The following MTA3 variants were observed in gnomAD, a reference collection of about 807,000 sequenced individuals.
MTA3 encodes the protein metastasis associated 1 family member 3.
MTA3 carries 34 observed loss-of-function variants against 83.5 expected under a neutral mutation model. The ratio of observed to expected loss-of-function variants is 0.41; its 90% CI spans 0.31 to 0.54. MTA3 has a LOEUF of 0.54. Among genes scored for constraint, MTA3 ranks in the 20% least tolerant of loss-of-function variants. MTA3 has a pLI of 0.33. For synonymous variants in MTA3, 303 were observed against 252.7 expected, an observed-to-expected ratio of 1.20 and a Z score of -1.89; for missense variants, 761 against 726.4, an observed-to-expected ratio of 1.05 and a Z score of -0.55.
intron 3 of MTA3, among the ~76,000 whole-genome samples, chr2:42,590,796 T>G (rs1251324204): frequency 2.0e-5 from 3 of 151,990 alleles, no homozygotes; most frequent in Non-Finnish European, 4.4e-5. Flanking sequence ...AATTTTTGTA[T>G]TCTTAGTAGA....
chr2:42,688,167 C>T (rs1300114428), intron 9 of MTA3, among the ~76,000 whole-genome samples: 3 of 152,170 alleles, frequency 2.0e-5, no homozygotes, highest in Non-Finnish European at 4.4e-5. Context: ...AACTCCTGGG[C>T]CCAGGTGATC....
intron 2 of MTA3, among the ~76,000 whole-genome samples, chr2:42,560,231 A>C (rs543737286): frequency 6.6e-6 from 1 of 151,232 alleles, no homozygotes; most frequent in Non-Finnish European, 1.5e-5. Context: ...CATTTTGGCC[A>C]GGCTGGTCTT....
chr2:42,526,824 G>A (rs775612813), intron 2 of MTA3, among the ~76,000 whole-genome samples: 1 of 152,044 alleles, frequency 6.6e-6, no homozygotes, highest in Non-Finnish European at 1.5e-5. Context: ...AGGAGGCCAA[G>A]GCGGGCAGAT....
At chr2:42,718,882 G>A in intron 14 of MTA3, 106 bp from the exon 15 acceptor site, 1 of 742,756 alleles carries the variant, frequency 1.3e-6, no homozygotes, top group Non-Finnish European at 2.1e-6. Context: ...GAATCTGGTG[G>A]CTATTTTGTA....
chr2:42,699,966 TATGATAGCTAAA>T (rs1311323342), intron 11 of MTA3, among the ~76,000 whole-genome samples: 5 of 152,064 alleles, frequency 3.3e-5, no homozygotes, highest in African/African-American at 1.2e-4. Context: ...TCAGATAGAA[TATGATAGCTAAA>T]ATGATAGCTA....
rs111662802 is a variant in MTA3, at chr2:42,633,052, C to A, written c.318-7121C>A. 3.7e-3 allele frequency among the ~76,000 whole-genome samples: 565 copies of A among 151,460 alleles called. 6 individuals carry two copies. The highest frequency in any genetic ancestry group is 0.013 in the African/African-American group (524 of 41,292). Reference sequence around the variant, plus strand: ...GGCTGAGGTGGGCGGATCATGAGGTCAAGAGCTCGAGACCATCCTGGCCAA... The same window carrying A: ...GGCTGAGGTGGGCGGATCATGAGGTAAAGAGCTCGAGACCATCCTGGCCAA... On this transcript the variant is annotated intron_variant, in intron 4 of 16. Coordinates refer to ENST00000405094, the MANE Select transcript of MTA3 (RefSeq NM_001330442.2).
chr2:42,541,403 C>A (rs7606058), intron 2 of MTA3, among the ~76,000 whole-genome samples: 2 of 151,964 alleles, frequency 1.3e-5, no homozygotes, highest in African/African-American at 2.4e-5. Context: ...TGGCAGGAAG[C>A]TGTAGCTCCT....
intron 11 of MTA3, chr2:42,702,394 C>T (rs1361487311): frequency 2.0e-5 from 3 of 152,236 alleles, no homozygotes; most frequent in East Asian, 1.9e-4. Context: ...GTTGTAATAA[C>T]AATACCAAAA....
intron 16 of MTA3, among the ~76,000 whole-genome samples, chr2:42,751,261 C>A (rs1197625854): frequency 3.3e-5 from 5 of 151,948 alleles, no homozygotes; most frequent in African/African-American, 1.2e-4. Context: ...AACAAACAAA[C>A]AAAAAAATAA....
In MTA3 at chr2:42,666,101, C is replaced by T. The variant is rs1369493236; in HGVS notation, c.702+6239C>T. 3.3e-5 allele frequency among the ~76,000 whole-genome samples: 5 copies of T among 152,232 alleles called. No individual in the cohort carries two copies. In the East Asian group the frequency reaches 9.6e-4, roughly 29 times the overall value. On this transcript the variant is annotated intron_variant, in intron 8 of 16. Coordinates refer to ENST00000405094, the MANE Select transcript of MTA3 (RefSeq NM_001330442.2). ...GACCATCCTGGCTAACACGGTGAAACCCCGTCTCTACTAAAAATACAAAAA... is the reference window on the plus strand; with the variant it reads ...GACCATCCTGGCTAACACGGTGAAATCCCGTCTCTACTAAAAATACAAAAA...
At chr2:42,578,486 T>C (rs1430892725) in intron 2 of MTA3, among the ~76,000 whole-genome samples, 1 of 152,230 alleles carries the variant, frequency 6.6e-6, no homozygotes, top group Non-Finnish European at 1.5e-5. Flanking sequence ...GAAGGTAAAC[T>C]AAGTACTGCT....
At chr2:42,720,747 G>C (rs1436367413) in intron 15 of MTA3, among the ~76,000 whole-genome samples, 4 of 151,826 alleles carry the variant, frequency 2.6e-5, no homozygotes, top group African/African-American at 9.7e-5. Context: ...GAGTCCAGGA[G>C]TTTGAGCCTG....
At chr2:42,611,531 TTTTG>T (rs1332064349) in intron 4 of MTA3, among the ~76,000 whole-genome samples, 1 of 152,042 alleles carries the variant, frequency 6.6e-6, no homozygotes, top group Non-Finnish European at 1.5e-5. Context: ...TTTTATTTGG[TTTTG>T]TTTGTTTTTG....
At chr2:42,710,549 CAAAAAAAAA>C (rs765315082) in intron 14 of MTA3, among the ~76,000 whole-genome samples, 714 of 61,086 alleles carry the variant, frequency 0.012, 5 homozygotes, top group African/African-American at 0.048. Context: ...AACTTCATCT[CAAAAAAAAA>C]AAAAAAAAAA....
intron 1 of MTA3, 40 bp downstream of exon 1, chr2:42,568,813 G>GC (rs1678112191): frequency 8.2e-7 from 1 of 1,214,606 alleles, no homozygotes; most frequent in Non-Finnish European, 1.0e-6. Context: ...GTGGGAGCGG[G>GC]TTCCGGGAGC....
intron 3 of MTA3, among the ~76,000 whole-genome samples, chr2:42,601,016 C>T (rs868358965): frequency 2.4e-4 from 36 of 152,220 alleles, no homozygotes; most frequent in Admixed American, 2.4e-3. Flanking sequence ...AGGTAATTCT[C>T]CTGCCTCAGC....
At chr2:42,506,724 C>A (rs1377765967) in intron 2 of MTA3, among the ~76,000 whole-genome samples, 3 of 151,820 alleles carry the variant, frequency 2.0e-5, no homozygotes, top group Non-Finnish European at 4.4e-5. Flanking sequence ...TCACTGCAAC[C>A]TCTGTCCCAA....
At chr2:42,643,366 G>C (rs1214698011) in intron 5 of MTA3, among the ~76,000 whole-genome samples, 5 of 152,222 alleles carry the variant, frequency 3.3e-5, no homozygotes, top group Admixed American at 2.0e-4. Context: ...TTCTGGTTCA[G>C]ATAATCTCTA....
intron 2 of MTA3, among the ~76,000 whole-genome samples, chr2:42,501,327 A>C (rs1290799982): frequency 6.6e-6 from 1 of 152,112 alleles, no homozygotes; most frequent in African/African-American, 2.4e-5. Flanking sequence ...AGTGGTTAAG[A>C]ATCTTTCTTC....
Sources: gnomAD v4.1 joint callset for allele counts (sites outside exome capture counted in the v4.1 genomes callset) on GRCh38, gnomAD v4.1.1 for gene constraint, MANE v1.5 for transcripts, NCBI Gene and HGNC (gene_info 2026-07-23, HGNC 2026-07-21) for gene names.